DIO2: variants seen among roughly 807,000 people sequenced by gnomAD.
The protein encoded by DIO2 is type II iodothyronine deiodinase.
Under a neutral mutation model 21.4 loss-of-function variants are expected in DIO2, and 19 were observed. The ratio of observed to expected loss-of-function variants is 0.89; its 90% CI spans 0.62 to 1.30. The LOEUF (loss-of-function observed/expected upper bound fraction) is 1.30. Among genes scored for constraint, DIO2 ranks in the 50% most tolerant of loss-of-function variants. The pLI is 0.00. For missense variants in DIO2, 302 were observed against 338.1 expected (o/e 0.89, Z 0.84); for synonymous variants, 122 against 132.9 (o/e 0.92, Z 0.57).
intron 2 of DIO2, among the ~76,000 whole-genome samples, chr14:80,228,894 G>T (rs1407684445): frequency 1.3e-5 from 2 of 152,162 alleles, no homozygotes; most frequent in Admixed American, 6.5e-5. Flanking sequence ...GTGTCAAGTA[G>T]TCCCCAAAAT....
chr14:80,204,970 G>T (rs1887890070), intron 1 of DIO2, among the ~76,000 whole-genome samples: 2 of 152,108 alleles, frequency 1.3e-5, no homozygotes, highest in African/African-American at 4.8e-5. Context: ...TGTGATTTAA[G>T]TAAGTACATT....
intron 2 of DIO2, among the ~76,000 whole-genome samples, chr14:80,222,063 A>G (rs1361701207): frequency 6.6e-6 from 1 of 152,198 alleles, no homozygotes; most frequent in East Asian, 1.9e-4. Context: ...GTGTGCAACT[A>G]TTTGATTCTC....
intron 1 of DIO2, chr14:80,206,308 C>A (rs760563686): frequency 6.4e-7 from 1 of 1,568,062 alleles, no homozygotes; most frequent in Admixed American, 1.9e-5. Flanking sequence ...ATGTGTCCAT[C>A]TTTGCTAAAA....
rs974783910 is a variant in DIO2 at position 80,198,552 on chromosome 14, T to G, written c.*4137A>C. 6.6e-6 allele frequency: 1 copy of G among 152,338 alleles called. No individual in the cohort carries two copies. The highest frequency in any genetic ancestry group is 2.1e-4 in the South Asian group (1 of 4,828). The allele number at this position is 152,338 out of a possible 1,614,324, so 9.4% of individuals were successfully genotyped here. On this transcript the variant is annotated 3_prime_UTR_variant, in exon 2 of 2. Transcript: ENST00000438257. Reference sequence around the variant, plus strand: ...CCCTCAGGGCCTTGTTCTTCCCAGTTAGCAACTTTCTAGCTCTCCCATCCT... The same window carrying G: ...CCCTCAGGGCCTTGTTCTTCCCAGTGAGCAACTTTCTAGCTCTCCCATCCT...
At chr14:80,225,542 C>T (rs187218995) in intron 2 of DIO2, among the ~76,000 whole-genome samples, 104 of 152,308 alleles carry the variant, frequency 6.8e-4, no homozygotes, top group Admixed American at 2.9e-3. Context: ...GGAAGAAATA[C>T]TCATGACATT....
intron 2 of DIO2, among the ~76,000 whole-genome samples, chr14:80,221,017 T>TA (rs980152653): frequency 3.6e-4 from 55 of 152,296 alleles, no homozygotes; most frequent in African/African-American, 1.1e-3. Flanking sequence ...TGAGATTTTT[T>TA]AAAAAAACTT....
chr14:80,224,062 A>C (rs1441466818), intron 2 of DIO2, among the ~76,000 whole-genome samples: 1 of 152,186 alleles, frequency 6.6e-6, no homozygotes, highest in African/African-American at 2.4e-5. Flanking sequence ...TCTCATTGAG[A>C]ACTTATTATA....
intron 2 of DIO2, among the ~76,000 whole-genome samples, chr14:80,221,203 C>T (rs1395239955): frequency 6.6e-6 from 1 of 152,124 alleles, no homozygotes; most frequent in Admixed American, 6.5e-5. Context: ...AGAACATCTA[C>T]AATGGTATTA....
At chr14:80,221,726 C>CATTAATGAAAACTAATGTGTT (rs563090624) in intron 2 of DIO2, among the ~76,000 whole-genome samples, 80 of 152,240 alleles carry the variant, frequency 5.3e-4, no homozygotes, top group African/African-American at 1.8e-3. Context: ...TGAGAAGTTT[C>CATTAATGAAAACTAATGTGTT]TCATAATGAA....
chr14:80,204,161 C>G (rs1452970020), intron 1 of DIO2, among the ~76,000 whole-genome samples: 1 of 151,902 alleles, frequency 6.6e-6, no homozygotes, highest in African/African-American at 2.4e-5. Flanking sequence ...ACTGCCACTG[C>G]TTACAAGGTG....
At chr14:80,224,381 C>T (rs1298007150) in intron 2 of DIO2, among the ~76,000 whole-genome samples, 1 of 152,038 alleles carries the variant, frequency 6.6e-6, no homozygotes, top group African/African-American at 2.4e-5. Context: ...TGGAAAAAGA[C>T]TCTTTGCAGA....
At chr14:80,225,209 C>T (rs1888549950) in intron 2 of DIO2, among the ~76,000 whole-genome samples, 1 of 152,154 alleles carries the variant, frequency 6.6e-6, no homozygotes, top group Non-Finnish European at 1.5e-5. Flanking sequence ...TTGCATCCTT[C>T]AATCCAATCA....
chr14:80,206,158 G>T, intron 1 of DIO2: 1 of 951,296 alleles, frequency 1.1e-6, no homozygotes, highest in South Asian at 1.6e-5. Flanking sequence ...TCATGAAGGT[G>T]CCTAGGCAAG....
At chr14:80,226,840 C>T (rs1888586529) in intron 2 of DIO2, among the ~76,000 whole-genome samples, 1 of 152,200 alleles carries the variant, frequency 6.6e-6, no homozygotes, top group South Asian at 2.1e-4. Context: ...TGAGGTCACC[C>T]ATTGGTCAGC....
At chr14:80,217,676 G>T (rs1231963189) in intron 2 of DIO2, among the ~76,000 whole-genome samples, 3 of 152,126 alleles carry the variant, frequency 2.0e-5, no homozygotes, top group African/African-American at 7.2e-5. Context: ...TTTCTAAATA[G>T]TCATGCTTTA....
chr14:80,226,277 A>G (rs940282363), intron 2 of DIO2, among the ~76,000 whole-genome samples: 3 of 152,170 alleles, frequency 2.0e-5, no homozygotes, highest in African/African-American at 4.8e-5. Flanking sequence ...CTGCTTCAGG[A>G]TGATAGAGAA....
chr14:80,211,297 C>T lies in DIO2; in HGVS notation c.176G>A (p.Gly59Glu). 6.2e-7 allele frequency: 1 copy of T among 1,613,314 alleles called. No individual in the cohort carries two copies. Among genetic ancestry groups the T allele is most frequent in the Non-Finnish European group, 8.5e-7 (1 of 1,179,858 alleles). Residue 59 changes from glycine (G) to glutamate (E), a missense_variant, in exon 1 of 2, where the codon GGA becomes GAA. By Grantham distance (98) the Gly-to-Glu change is moderately conservative (BLOSUM62 -2). Transcript: ENST00000438257. ...GAAGCTCTTCCAGACGCAGCGCAGT[C>T]CCTCTGAGGTCAGCATGCGCCGCCA... ...GEWRRMLTSE[G>E]LRCVWKSFLL...
chr14:80,213,849 AG>A (rs1358895848), upstream of DIO2, among the ~76,000 whole-genome samples: 2 of 152,182 alleles, frequency 1.3e-5, no homozygotes, highest in East Asian at 3.8e-4. Flanking sequence ...TTTTTTCATT[AG>A]TTTGGCTCCT....
chr14:80,216,424 C>T (rs781211385), upstream of DIO2, among the ~76,000 whole-genome samples: 25 of 152,270 alleles, frequency 1.6e-4, no homozygotes, highest in Non-Finnish European at 3.2e-4. Flanking sequence ...ATATACTTCA[C>T]TTAGGATTGG....
Sources: allele counts gnomAD v4.1 joint callset (sites outside exome capture counted in the v4.1 genomes callset), GRCh38; gene constraint gnomAD v4.1.1; transcripts MANE v1.5; gene names NCBI Gene and HGNC (gene_info 2026-07-23, HGNC 2026-07-21).